The following MKKS variants were observed in gnomAD, a reference collection of about 807,000 sequenced individuals.
MKKS encodes the protein molecular chaperone MKKS.
MKKS carries 29 observed loss-of-function variants against 33.2 expected under a neutral mutation model. The ratio of observed to expected loss-of-function variants is 0.87; its 90% CI spans 0.65 to 1.19. The LOEUF is 1.19. Ranked by LOEUF, MKKS falls within the 50% of genes most tolerant of loss-of-function variation. MKKS has a pLI of 0.00. For synonymous variants in MKKS, 260 were observed against 244.0 expected (o/e 1.07, Z -0.61); for missense variants, 661 against 662.3 (o/e 1.00, Z 0.02).
Position 10,412,546 on chromosome 20 carries a change from G to A in MKKS, c.969C>T (p.Pro323=). ...GATTTTTACCTGTCATTTTAGTCAG[G>A]GGTTCCATCAGAGTCACTCCAATTC... ...IDRIGVTLME[P]LTKMTGTQPI... The change falls in exon 3 of 6, where the codon CCC becomes CCT. Residue 323 remains proline, a synonymous_variant. Transcript: ENST00000347364. 1 of 1,613,844 alleles carries A rather than the reference G, an allele frequency of 6.2e-7. No homozygotes were observed. Among genetic ancestry groups the A allele is most frequent in the South Asian group, 1.1e-5 (1 of 91,076 alleles).
intron 3 of MKKS, among the ~76,000 whole-genome samples, chr20:10,409,047 G>C (rs2064862188): frequency 1.3e-5 from 2 of 152,090 alleles, no homozygotes; most frequent in Non-Finnish European, 1.5e-5. Flanking sequence ...AAATCTTTTA[G>C]AAGTCATTTT....
intron 1 of MKKS, among the ~76,000 whole-genome samples, chr20:10,430,565 A>G (rs1002187972): frequency 3.9e-5 from 6 of 152,204 alleles, no homozygotes; most frequent in Non-Finnish European, 7.3e-5. Context: ...GGTCCCCATA[A>G]AGGAAGGCCC....
rs536127784 is a variant in MKKS at position 10,433,719 on chromosome 20, TACACCGTGCACCCTCC to T, written c.-649+373_-649+388del. Among the ~76,000 whole-genome samples, 12 of 151,988 alleles carry T rather than the reference TACACCGTGCACCCTCC, an allele frequency of 7.9e-5. No homozygotes were observed. The South Asian group carries it at 2.5e-3, about 32-fold the overall frequency. On this transcript the variant is annotated intron_variant, in intron 1 of 5. Transcript: ENST00000347364. ...GCCCCCACCTCCCGACAGCCTGGGG[TACACCGTGCACCCTCC>T]AGACAGTCAGGGGCACACGGGGCCC...
At chr20:10,410,279 G>C (rs6133910) in intron 3 of MKKS, among the ~76,000 whole-genome samples, 1 of 152,066 alleles carries the variant, frequency 6.6e-6, no homozygotes, top group Non-Finnish European at 1.5e-5. Flanking sequence ...CCTCACATGA[G>C]AGGCAAGTGG....
intron 3 of MKKS, among the ~76,000 whole-genome samples, chr20:10,410,400 A>G (rs1045888931): frequency 1.1e-4 from 17 of 152,102 alleles, no homozygotes; most frequent in South Asian, 2.1e-4. Flanking sequence ...GGAGGTTGAG[A>G]TGGGTGGATC....
chr20:10,405,457 T>C lies in MKKS; in HGVS notation c.1503A>G (p.Leu501=), dbSNP rs2064835649. Reference sequence around the variant, plus strand: ...AGTTGAGTTCTTCCTGGCTATTGTATAATCCACAGCCACACTGTGAAAGCA... The same window carrying C: ...AGTTGAGTTCTTCCTGGCTATTGTACAATCCACAGCCACACTGTGAAAGCA... ...PDLLSQCGCG[L]YNSQEELNWS... Residue 501 remains leucine, a synonymous_variant, in exon 6 of 6, where the codon TTA becomes TTG. Coordinates refer to ENST00000347364, the MANE Select transcript of MKKS (RefSeq NM_170784.3). The C allele has an allele frequency of 6.2e-7, 1 of 1,614,064 alleles. No individual in the cohort carries two copies.
In MKKS at chr20:10,412,828, C is replaced by A. The variant is rs1387429421; in HGVS notation, c.687G>T (p.Arg229Ser). The A allele has an allele frequency of 1.9e-6, 3 of 1,614,114 alleles. No homozygotes were observed. The highest frequency in any genetic ancestry group is 8.5e-7 in the Non-Finnish European group (1 of 1,180,014). ...CAGTTGATTTTTTGATAGGTAATAGCCTCATTAATTGAACTTCTGACATTT... is the reference window on the plus strand; with the variant it reads ...CAGTTGATTTTTTGATAGGTAATAGACTCATTAATTGAACTTCTGACATTT... ...LIEMSEVQLM[R>S]LLPIKKSTAL... Residue 229 changes from arginine (R) to serine (S), a missense_variant, in exon 3 of 6, where the codon AGG (arginine) becomes AGT (serine). By Grantham distance (110) the Arg-to-Ser change is moderately radical (BLOSUM62 -1). Transcript: ENST00000347364.
intron 1 of MKKS, among the ~76,000 whole-genome samples, chr20:10,421,960 C>CT (rs2064983604): frequency 6.6e-6 from 1 of 152,008 alleles, no homozygotes; most frequent in Non-Finnish European, 1.5e-5. Context: ...AATTGCATCT[C>CT]TGAGTTTTAG....
chr20:10,423,003 GC>G (rs1477755681), intron 1 of MKKS, among the ~76,000 whole-genome samples: 1 of 151,954 alleles, frequency 6.6e-6, no homozygotes, highest in African/African-American at 2.4e-5. Flanking sequence ...GAGCCACTGC[GC>G]CCGGCCCTTC....
chr20:10,417,670 G>C (rs77249915), intron 2 of MKKS, among the ~76,000 whole-genome samples: 21,826 of 83,948 alleles, frequency 0.26, 1,779 homozygotes, highest in African/African-American at 0.37. Flanking sequence ...AGCCTTCTCT[G>C]TAAAAAAAAA....
chr20:10,431,483 G>T (rs548205189), intron 1 of MKKS, among the ~76,000 whole-genome samples: 1 of 151,926 alleles, frequency 6.6e-6, no homozygotes, highest in Non-Finnish European at 1.5e-5. Flanking sequence ...AGAAGATAAT[G>T]GGACAATCTT....
chr20:10,418,409 C>A (rs1203016127), intron 2 of MKKS, among the ~76,000 whole-genome samples: 1 of 152,092 alleles, frequency 6.6e-6, no homozygotes, highest in Non-Finnish European at 1.5e-5. Context: ...ATGTAATTTT[C>A]CATAATGAAA....
chr20:10,416,854 C>T (rs1454699333), intron 2 of MKKS, among the ~76,000 whole-genome samples: 4 of 152,316 alleles, frequency 2.6e-5, no homozygotes, highest in South Asian at 2.1e-4. Context: ...TATTGGAAAG[C>T]AGCCATGCTC....
In MKKS at chr20:10,405,453, T is replaced by C; in HGVS notation, c.1507A>G (p.Asn503Asp). Residue 503 changes from asparagine to aspartate, a missense_variant, in exon 6 of 6, where the codon AAT becomes GAT. By Grantham distance (23) the Asn-to-Asp change is conservative. Coordinates refer to ENST00000347364, the MANE Select transcript of MKKS (RefSeq NM_170784.3). Reference protein sequence around the residue: ...LLSQCGCGLYNSQEELNWSFL... With the variant: ...LLSQCGCGLYDSQEELNWSFL... ...GACCAGTTGAGTTCTTCCTGGCTAT[T>C]GTATAATCCACAGCCACACTGTGAA... The C allele has an allele frequency of 6.2e-7, 1 of 1,614,178 alleles. No homozygotes were observed. Among genetic ancestry groups the C allele is most frequent in the Non-Finnish European group, 8.5e-7 (1 of 1,180,018 alleles).
Position 10,401,351 on chromosome 20 carries a change from G to T in MKKS, c.*3896C>A, listed in dbSNP as rs1207883855. 6.6e-6 allele frequency: 1 copy of T among 151,974 alleles called. No homozygotes were observed. Among genetic ancestry groups the T allele is most frequent in the African/African-American group, 2.4e-5 (1 of 41,378 alleles). 9.4% of individuals were successfully genotyped at this position (151,974 alleles called of 1,614,324 possible). A position where few individuals can be genotyped will look rare whatever the true frequency, so the allele number is the denominator to read the frequency against. ...TGATTGGCAAAAACTTCCATTATGG[G>T]ATACAATAGTTACTAAATGGAAGCA... On this transcript the variant is annotated 3_prime_UTR_variant, in exon 6 of 6. Coordinates refer to ENST00000347364, the MANE Select transcript of MKKS (RefSeq NM_170784.3).
chr20:10,428,239 C>A (rs766836277), intron 1 of MKKS, among the ~76,000 whole-genome samples: 1 of 152,146 alleles, frequency 6.6e-6, no homozygotes, highest in African/African-American at 2.4e-5. Context: ...TGTTTTTACA[C>A]CCTGGCTGCC....
chr20:10,424,496 T>C (rs1481782699), intron 1 of MKKS, among the ~76,000 whole-genome samples: 1 of 152,210 alleles, frequency 6.6e-6, no homozygotes, highest in Non-Finnish European at 1.5e-5. Context: ...ACATTGGATG[T>C]ATTCTATTGC....
intron 1 of MKKS, among the ~76,000 whole-genome samples, chr20:10,433,195 C>T (rs2065066963): frequency 6.6e-6 from 1 of 152,296 alleles, no homozygotes; most frequent in Admixed American, 6.5e-5. Flanking sequence ...TAGCAGAGAC[C>T]GGGTTTCGCC....
chr20:10,418,596 T>C (rs967418451), intron 2 of MKKS, among the ~76,000 whole-genome samples: 1 of 152,154 alleles, frequency 6.6e-6, no homozygotes, highest in South Asian at 2.1e-4. Flanking sequence ...TTTTAACTAT[T>C]GCTGCACTGG....
Sources: gnomAD v4.1 joint callset for allele counts (sites outside exome capture counted in the v4.1 genomes callset) on GRCh38, gnomAD v4.1.1 for gene constraint, MANE v1.5 for transcripts, NCBI Gene and HGNC (gene_info 2026-07-23, HGNC 2026-07-21) for gene names.